The following ATP11C variants were observed in gnomAD, a reference collection of about 807,000 sequenced individuals.
The protein encoded by ATP11C is ATPase phospholipid transporting 11C (ATP11C blood group), also known as phospholipid-transporting ATPase IG.
Under a neutral mutation model 97.4 loss-of-function variants are expected in ATP11C, and 36 were observed. The observed-to-expected ratio is 0.37, with a 90% confidence interval of 0.28 to 0.49. The LOEUF is 0.49. ATP11C is among the 20% of genes least tolerant of loss of function. ATP11C has a pLI of 0.98. For missense variants in ATP11C, 730 were observed against 824.6 expected, an observed-to-expected ratio of 0.89 and a Z score of 1.40; for synonymous variants, 275 against 290.9, an observed-to-expected ratio of 0.95 and a Z score of 0.56.
At chrX:139,910,784 T>C (rs1429871163) in intron 1 of ATP11C, among the ~76,000 whole-genome samples, 3 of 110,378 alleles carry the variant, frequency 2.7e-5, no homozygotes, top group Non-Finnish European at 3.8e-5. Flanking sequence ...AAAAATTTAT[T>C]GACTTTAAAT....
chrX:139,798,187 T>C, intron 10 of ATP11C, 86 bp downstream of exon 10: 2 of 831,338 alleles, frequency 2.4e-6, no homozygotes, highest in African/African-American at 2.1e-5. Context: ...ATTGATGTTG[T>C]TTTTTGTTAT....
intron 28 of ATP11C, among the ~76,000 whole-genome samples, chrX:139,734,618 T>A (rs2081407952): frequency 9.0e-6 from 1 of 111,481 alleles, no homozygotes; most frequent in African/African-American, 3.3e-5. Context: ...CTTTTTGAAA[T>A]ACAAAAATCC....
At chrX:139,740,214 A>T (rs2081527801) in intron 27 of ATP11C, among the ~76,000 whole-genome samples, 1 of 111,595 alleles carries the variant, frequency 9.0e-6, no homozygotes, top group Non-Finnish European at 1.9e-5. Context: ...CCATTCACTA[A>T]AAAAAACAAC....
At chrX:139,896,817 C>T (rs752686380) in intron 1 of ATP11C, among the ~76,000 whole-genome samples, 4 of 110,049 alleles carry the variant, frequency 3.6e-5, no homozygotes, top group African/African-American at 1.3e-4. Flanking sequence ...CCATGTTGGC[C>T]AGGCTATTCT....
intron 12 of ATP11C, among the ~76,000 whole-genome samples, chrX:139,794,350 G>A (rs764528255): frequency 6.2e-5 from 7 of 112,211 alleles, no homozygotes; most frequent in Non-Finnish European, 1.1e-4. Context: ...AGAAAAAACA[G>A]GTTACACTTA....
rs1183779149 is a variant in ATP11C, at chrX:139,932,809, C to G, written c.-767G>C. The G allele has an allele frequency of 8.9e-6, 1 of 111,873 alleles. No individual in the cohort carries two copies. The highest frequency in any genetic ancestry group is 3.2e-5 in the African/African-American group (1 of 30,795). 9.2% of individuals were successfully genotyped at this position (111,873 alleles called of 1,213,427 possible). On this transcript the variant is annotated 5_prime_UTR_variant, in exon 1 of 30. Transcript: ENST00000682941. The stretch of plus-strand genomic sequence containing the variant: ...CTCCCTCTTCCGGGCGTGGTGGAGC[C>G]GGGCTCTGAGGCAGGGCACCGTGAA...
intron 1 of ATP11C, among the ~76,000 whole-genome samples, chrX:139,887,613 G>A (rs1258762286): frequency 9.2e-6 from 1 of 108,744 alleles, no homozygotes; most frequent in African/African-American, 3.4e-5. Context: ...ACAGAACAAG[G>A]CCCTGTCTGA....
chrX:139,788,418 ATATAT>A, intron 13 of ATP11C, 75 bp from the exon 14 acceptor site: 1 of 923,176 alleles, frequency 1.1e-6, no homozygotes, highest in South Asian at 2.1e-5. Context: ...AACGGAGAAA[ATATAT>A]TAATGTGAGA....
At chrX:139,763,592 C>T (rs1447464722) in intron 20 of ATP11C, among the ~76,000 whole-genome samples, 174 bp from the exon 21 acceptor site, 1 of 112,096 alleles carries the variant, frequency 8.9e-6, no homozygotes, top group Admixed American at 9.4e-5. Flanking sequence ...CTCCAGGACG[C>T]TCGTAGATAC....
chrX:139,783,004 TA>T (rs1334664468), intron 17 of ATP11C, among the ~76,000 whole-genome samples, 159 bp downstream of exon 17: 16 of 111,150 alleles, frequency 1.4e-4, no homozygotes, highest in African/African-American at 5.2e-4. Context: ...TATATTAAGA[TA>T]AAAAAAAGTA....
chrX:139,891,382 G>A (rs773653577), intron 1 of ATP11C, among the ~76,000 whole-genome samples: 13 of 111,136 alleles, frequency 1.2e-4, no homozygotes, highest in Admixed American at 3.8e-4. Context: ...CATGTACCCC[G>A]AACTTAAAAT....
Position 139,819,430 on chromosome X carries a change from G to A in ATP11C, c.148-3C>T. 1 of 1,005,898 alleles carries A rather than the reference G, an allele frequency of 9.9e-7. No individual in the cohort carries two copies. The highest frequency in any genetic ancestry group is 1.3e-6 in the Non-Finnish European group (1 of 745,634). 82.9% of individuals were successfully genotyped at this position (1,005,898 alleles called of 1,213,427 possible). Reference sequence around the variant, plus strand: ...GGGAGAAAATTCCAAAGTGTATACTGTAAGGGAGGAAGAAAAAAGAACACT... The same window carrying A: ...GGGAGAAAATTCCAAAGTGTATACTATAAGGGAGGAAGAAAAAAGAACACT... On this transcript the variant is annotated splice_region_variant and splice_polypyrimidine_tract_variant and intron_variant, in intron 2 of 29. Coordinates refer to ENST00000682941, the MANE Select transcript of ATP11C (RefSeq NM_001353812.2).
intron 5 of ATP11C, among the ~76,000 whole-genome samples, chrX:139,806,629 CT>C (rs2147805576): frequency 9.0e-6 from 1 of 111,417 alleles, no homozygotes; most frequent in South Asian, 3.8e-4. Context: ...TTCAGAATCT[CT>C]ACAAGCCTGA....
intron 23 of ATP11C, among the ~76,000 whole-genome samples, chrX:139,750,496 A>G (rs925383174): frequency 8.9e-6 from 1 of 112,223 alleles, no homozygotes; most frequent in African/African-American, 3.2e-5. Context: ...ACCATTAAGT[A>G]TAAGTGAGGA....
chrX:139,792,939 G>A (rs772065159), intron 12 of ATP11C, among the ~76,000 whole-genome samples: 5 of 112,061 alleles, frequency 4.5e-5, no homozygotes, highest in Non-Finnish European at 9.4e-5. Context: ...AGAGGGGATT[G>A]TGGGTAGCCC....
intron 1 of ATP11C, among the ~76,000 whole-genome samples, chrX:139,884,878 T>C (rs1322749733): frequency 8.9e-6 from 1 of 111,971 alleles, no homozygotes; most frequent in Non-Finnish European, 1.9e-5. Flanking sequence ...ATGATAGTAA[T>C]GGACACCACT....
rs189107308 is a variant in ATP11C, at chrX:139,843,257, G to A, written c.28-16434C>T. On this transcript the variant is annotated intron_variant, in intron 1 of 29. Coordinates refer to ENST00000682941, the MANE Select transcript of ATP11C (RefSeq NM_001353812.2). ...TGCAGTAAGGATAAGTAACACCTAA[G>A]TGTCTGTTACGTGCAGATGAAGAAT... Among the ~76,000 whole-genome samples, 1,016 of 112,089 alleles carry A rather than the reference G, an allele frequency of 9.1e-3. 11 individuals carry two copies. The highest frequency in any genetic ancestry group is 0.031 in the African/African-American group (965 of 30,801).
chrX:139,749,467 G>C (rs1156867742), intron 24 of ATP11C, among the ~76,000 whole-genome samples: 2 of 111,700 alleles, frequency 1.8e-5, no homozygotes, highest in East Asian at 5.6e-4. Context: ...TAAACAACTG[G>C]GGCTAGTGCC....
chrX:139,861,769 TACACACACACACAC>T (rs5904005), intron 1 of ATP11C, among the ~76,000 whole-genome samples: 3 of 101,319 alleles, frequency 3.0e-5, no homozygotes, highest in South Asian at 4.5e-4. Flanking sequence ...AATCCTGTTA[TACACACACACACAC>T]ACACACACAC....
Sources: gnomAD v4.1 joint callset for allele counts (sites outside exome capture counted in the v4.1 genomes callset) on GRCh38, gnomAD v4.1.1 for gene constraint, MANE v1.5 for transcripts, NCBI Gene and HGNC (gene_info 2026-07-23, HGNC 2026-07-21) for gene names.